COPA: variants seen among roughly 807,000 people sequenced by gnomAD.
COPA encodes coatomer subunit alpha.
COPA carries 10 observed loss-of-function variants against 158.7 expected under a neutral mutation model. The ratio of observed to expected loss-of-function variants is 0.06; its 90% CI spans 0.04 to 0.11. The LOEUF (loss-of-function observed/expected upper bound fraction) is 0.11, where lower values mean the gene tolerates loss of function less well. COPA is among the 10% of genes least tolerant of loss of function. The pLI is 1.00. For missense variants in COPA, 1,065 were observed against 1,536.7 expected (o/e 0.69, Z 5.13); for synonymous variants, 462 against 542.8 (o/e 0.85, Z 2.07).
chr1:160,333,301 A>T (rs527767137), intron 5 of COPA, among the ~76,000 whole-genome samples: 3 of 152,388 alleles, frequency 2.0e-5, no homozygotes, highest in Non-Finnish European at 2.9e-5. Flanking sequence ...ACAAAATAAG[A>T]CAAAGGTCTA....
At position 160,339,174 on chromosome 1, in the gene COPA, C is replaced by A. The variant is rs900709429; in HGVS notation, c.228+735G>T. On this transcript the variant is annotated intron_variant, in intron 3 of 32. Transcript: ENST00000241704. ...CATCTCATTTATTTCTCCTTATTGGCCATCACCCAACAGACACACTGATTC... is the reference window on the plus strand; with the variant it reads ...CATCTCATTTATTTCTCCTTATTGGACATCACCCAACAGACACACTGATTC... 2.0e-5 allele frequency among the ~76,000 whole-genome samples: 3 copies of A among 152,000 alleles called. No individual in the cohort carries two copies. In the East Asian group the frequency reaches 5.8e-4, roughly 29 times the overall value.
chr1:160,329,849 G>A (rs1033269727), intron 6 of COPA, among the ~76,000 whole-genome samples: 1 of 152,116 alleles, frequency 6.6e-6, no homozygotes, highest in Non-Finnish European at 1.5e-5. Flanking sequence ...GCAGTGGCTC[G>A]TGCTTGTAAT....
At position 160,306,463 on chromosome 1, in the gene COPA, T is replaced by A; in HGVS notation, c.1333A>T (p.Thr445Ser). Residue 445 changes from threonine to serine, a missense_variant, in exon 15 of 33, where the codon ACC (threonine) becomes TCC (serine). By Grantham distance (58) the Thr-to-Ser change is moderately conservative. Coordinates refer to ENST00000241704, the MANE Select transcript of COPA (RefSeq NM_004371.4). The stretch of plus-strand genomic sequence containing the variant: ...CAGTTGGGCACCTGTACCTTTTTGG[T>A]GATCTCATTCTTCAGATTCTTGATC... ...LLIKNLKNEI[T>S]KKVQVPNCDE... The A allele has an allele frequency of 6.2e-7, 1 of 1,614,232 alleles. No homozygotes were observed. Among genetic ancestry groups the A allele is most frequent in the Non-Finnish European group, 8.5e-7 (1 of 1,180,032 alleles).
chr1:160,293,457 A>T lies in COPA; in HGVS notation c.2683T>A (p.Ser895Thr). Residue 895 changes from serine (S) to threonine (T), a missense_variant, in exon 26 of 33, where the codon TCC becomes ACC. By Grantham distance (58) the Ser-to-Thr change is moderately conservative. This residue lies in a region of COPA where 980 missense variants were observed against 1,357.8 expected (regional missense o/e 0.72). Coordinates refer to ENST00000241704, the MANE Select transcript of COPA (RefSeq NM_004371.4). The part of the protein sequence containing the change: ...DLELPPELDI[S>T]PGAAGGAEDG... Reference sequence around the variant, plus strand: ...TCAGCCCCACCAGCTGCCCCAGGGGATATATCCTAGGGGAAAAACAAAAAT... The same window carrying T: ...TCAGCCCCACCAGCTGCCCCAGGGGTTATATCCTAGGGGAAAAACAAAAAT... 1 of 1,592,658 alleles carries T rather than the reference A, an allele frequency of 6.3e-7. No homozygotes were observed. Among genetic ancestry groups the T allele is most frequent in the Non-Finnish European group, 8.5e-7 (1 of 1,173,360 alleles).
intron 8 of COPA, among the ~76,000 whole-genome samples, chr1:160,322,989 G>GCACACACACA (rs112126446): frequency 0.017 from 2,502 of 145,376 alleles, 74 homozygotes; most frequent in African/African-American, 0.061. Flanking sequence ...ACGCGCACGT[G>GCACACACACA]CACACACACA....
Position 160,317,445 on chromosome 1 carries a change from T to A in COPA, c.707-3320A>T, listed in dbSNP as rs1214290613. On this transcript the variant is annotated intron_variant, in intron 8 of 32. Transcript: ENST00000241704. ...AACCTTCAACTGAGGACTTGGGGGATAAGAAGGAAGGTGAATATATTAAAC... is the reference window on the plus strand; with the variant it reads ...AACCTTCAACTGAGGACTTGGGGGAAAAGAAGGAAGGTGAATATATTAAAC... 50 of 1,608,776 alleles carry A rather than the reference T, an allele frequency of 3.1e-5. 1 individual carries two copies. In the Middle Eastern group the frequency reaches 6.7e-4, roughly 22 times the overall value.
intron 13 of COPA, among the ~76,000 whole-genome samples, chr1:160,307,627 GCT>G (rs10552295): frequency 0.64 from 97,682 of 151,948 alleles, 32,916 homozygotes; most frequent in African/African-American, 0.86. Context: ...GGATGCAGCT[GCT>G]CTCTGCTGCT....
At chr1:160,299,757 A>C (rs1053412724) in intron 17 of COPA, among the ~76,000 whole-genome samples, 1 of 152,244 alleles carries the variant, frequency 6.6e-6, no homozygotes, top group Admixed American at 6.5e-5. Context: ...AATATTAAAA[A>C]TTATTGGGTT....
intron 11 of COPA, among the ~76,000 whole-genome samples, chr1:160,311,452 T>C (rs560563672): frequency 6.8e-6 from 1 of 147,146 alleles, no homozygotes; most frequent in Non-Finnish European, 1.5e-5. Flanking sequence ...AAAAAAAATT[T>C]AAAAATAAAT....
chr1:160,336,992 A>G (rs190514856), intron 3 of COPA, among the ~76,000 whole-genome samples: 5 of 152,326 alleles, frequency 3.3e-5, no homozygotes, highest in Non-Finnish European at 7.4e-5. Context: ...AATAACATGA[A>G]AAGTTAAGGT....
chr1:160,290,524 C>T lies in COPA; in HGVS notation c.3583G>A (p.Glu1195Lys). The change falls in exon 32 of 33, where the codon GAG becomes AAG. Residue 1195 changes from glutamate (E) to lysine (K), a missense_variant. Glu to Lys is a moderately conservative substitution (Grantham distance 56). Around this residue, in one of 2 missense-constraint regions of COPA, gnomAD observed 980 missense variants for 1,357.8 expected, o/e 0.72. Transcript: ENST00000241704. ...CPLSGACYSP[E>K]FKGQICRVTT... is the part of the protein sequence containing the mutation. ...ACCCTGCAGATTTGACCTTTGAACT[C>T]AGGGGAATAGCAGGCCCCACTGAGT... 3 of 1,614,200 alleles carry T rather than the reference C, an allele frequency of 1.9e-6. No individual in the cohort carries two copies. Among genetic ancestry groups the T allele is most frequent in the Non-Finnish European group, 2.5e-6 (3 of 1,180,030 alleles).
chr1:160,307,220 G>T lies in COPA; in HGVS notation c.1245C>A (p.Gly415=). 1 of 1,614,202 alleles carries T rather than the reference G, an allele frequency of 6.2e-7. No individual in the cohort carries two copies. The highest frequency in any genetic ancestry group is 1.1e-5 in the South Asian group (1 of 91,088). The stretch of plus-strand genomic sequence containing the variant: ...TTCGAGCGACCCAAACGGCTGTCAG[G>T]CCTGAGGATCGTTTCCCTTCAGGCG... The part of the protein sequence containing the change: ...PDAPEGKRSS[G]LTAVWVARNR... Residue 415 remains glycine (G), a synonymous_variant, in exon 14 of 33, where the codon GGC becomes GGA. Coordinates refer to ENST00000241704, the MANE Select transcript of COPA (RefSeq NM_004371.4).
intron 17 of COPA, among the ~76,000 whole-genome samples, chr1:160,304,645 G>T (rs894280325): frequency 6.6e-6 from 1 of 151,918 alleles, no homozygotes; most frequent in Admixed American, 6.6e-5. Context: ...GCCTGGGCGA[G>T]ACTCCGTTTC....
chr1:160,299,380 T>C (rs1658522361), intron 17 of COPA, 116 bp from the exon 18 acceptor site: 6 of 1,001,496 alleles, frequency 6.0e-6, no homozygotes, highest in Non-Finnish European at 8.7e-6. Context: ...ATGATATAGA[T>C]GGGAAGTGAT....
chr1:160,296,269 A>C, intron 21 of COPA, 120 bp from the exon 22 acceptor site: 1 of 751,702 alleles, frequency 1.3e-6, no homozygotes. Flanking sequence ...TTGTTGCAAA[A>C]TACCCACCTC....
chr1:160,318,553 A>G (rs994705016), intron 8 of COPA, among the ~76,000 whole-genome samples: 12 of 149,886 alleles, frequency 8.0e-5, no homozygotes, highest in African/African-American at 2.9e-4. Flanking sequence ...AAAACCCAAG[A>G]TGTAAAATTA....
intron 8 of COPA, among the ~76,000 whole-genome samples, chr1:160,315,083 A>G (rs1659089650): frequency 6.6e-6 from 1 of 152,196 alleles, no homozygotes; most frequent in African/African-American, 2.4e-5. Context: ...CAAATATGAC[A>G]ATGAGACAGT....
chr1:160,292,146 C>G lies in COPA; in HGVS notation c.3013G>C (p.Asp1005His). 6.2e-7 allele frequency: 1 copy of G among 1,613,948 alleles called. No individual in the cohort carries two copies. Among genetic ancestry groups the G allele is most frequent in the Non-Finnish European group, 8.5e-7 (1 of 1,180,042 alleles). ...GVPAVGLKLN[D>H]LIQRLQLCYQ... Reference sequence around the variant, plus strand: ...CACAGCTGCAACCGTTGGATGAGGTCATTAAGCTTCAGGCCCACAGCTGGT... The same window carrying G: ...CACAGCTGCAACCGTTGGATGAGGTGATTAAGCTTCAGGCCCACAGCTGGT... The change falls in exon 29 of 33, where the codon GAC becomes CAC. Residue 1005 changes from aspartate to histidine, a missense_variant. Asp to His is a moderately conservative substitution (Grantham distance 81). This residue lies in a region of COPA where 980 missense variants were observed against 1,357.8 expected (regional missense o/e 0.72). Coordinates refer to ENST00000241704, the MANE Select transcript of COPA (RefSeq NM_004371.4).
At chr1:160,342,808 G>A (rs2101884435) in intron 1 of COPA, among the ~76,000 whole-genome samples, 1 of 152,194 alleles carries the variant, frequency 6.6e-6, no homozygotes, top group Middle Eastern at 3.4e-3. Context: ...AAAGCCAACA[G>A]ATCACAGGGC....
Sources: allele counts gnomAD v4.1 joint callset (sites outside exome capture counted in the v4.1 genomes callset), GRCh38; gene constraint gnomAD v4.1.1; regional missense constraint gnomAD v4.1.1; transcripts MANE v1.5; gene names NCBI Gene and HGNC (gene_info 2026-07-23, HGNC 2026-07-21).